Variants in ZNF804B observed in about 807,000 individuals in gnomAD.
ZNF804B encodes the protein zinc finger protein 804B.
Under a neutral mutation model 101.4 loss-of-function variants are expected in ZNF804B, and 80 were observed. That is an observed-to-expected ratio of 0.79 (90% CI 0.66 to 0.95). The LOEUF (loss-of-function observed/expected upper bound fraction) is 0.95, where lower values mean the gene tolerates loss of function less well. ZNF804B is among the 40% of genes least tolerant of loss of function. The pLI is 0.00. For synonymous variants in ZNF804B, 622 were observed against 558.8 expected, an observed-to-expected ratio of 1.11 and a Z score of -1.59; for missense variants, 1,673 against 1,561.9, an observed-to-expected ratio of 1.07 and a Z score of -1.20.
intron 1 of ZNF804B, among the ~76,000 whole-genome samples, chr7:89,135,779 T>C (rs1790625549): frequency 2.6e-5 from 4 of 152,098 alleles, no homozygotes; most frequent in Admixed American, 2.6e-4. Flanking sequence ...ACTTTAGGCA[T>C]CATTCCACCT....
intron 1 of ZNF804B, among the ~76,000 whole-genome samples, chr7:89,120,547 C>T (rs1365773130): frequency 1.4e-5 from 2 of 147,574 alleles, no homozygotes; most frequent in East Asian, 4.2e-4. Flanking sequence ...AGTCCCAGCT[C>T]CTCAGGAGGC....
At chr7:89,152,349 G>C (rs1180108932) in intron 1 of ZNF804B, among the ~76,000 whole-genome samples, 1 of 151,038 alleles carries the variant, frequency 6.6e-6, no homozygotes, top group Non-Finnish European at 1.5e-5. Flanking sequence ...TCTTCTTACT[G>C]TGGAGAGATA....
chr7:89,001,428 C>T (rs1484414906), intron 1 of ZNF804B, among the ~76,000 whole-genome samples: 3 of 150,786 alleles, frequency 2.0e-5, no homozygotes, highest in African/African-American at 7.3e-5. Flanking sequence ...ACAATAAAAA[C>T]TTCTCTAGTA....
At chr7:88,864,684 A>G (rs1007592677) in intron 1 of ZNF804B, among the ~76,000 whole-genome samples, 2 of 152,166 alleles carry the variant, frequency 1.3e-5, no homozygotes, top group African/African-American at 4.8e-5. Context: ...ATGGAGAAGT[A>G]AGATCTCTTG....
intron 2 of ZNF804B, among the ~76,000 whole-genome samples, chr7:89,325,193 T>G (rs377224845): frequency 6.6e-6 from 1 of 151,932 alleles, no homozygotes; most frequent in African/African-American, 2.4e-5. Flanking sequence ...ATCTCTGGGT[T>G]TTTTTTTCTC....
chr7:88,907,399 T>C (rs1792489562), intron 1 of ZNF804B, among the ~76,000 whole-genome samples: 1 of 152,048 alleles, frequency 6.6e-6, no homozygotes, highest in South Asian at 2.1e-4. Context: ...TTATGTAGAC[T>C]TGATTTTGTA....
At chr7:89,265,646 C>T (rs955399866) in intron 2 of ZNF804B, among the ~76,000 whole-genome samples, 3 of 152,176 alleles carry the variant, frequency 2.0e-5, no homozygotes, top group Non-Finnish European at 4.4e-5. Flanking sequence ...ACTTCCCTTA[C>T]AGGGTAATCT....
intron 1 of ZNF804B, among the ~76,000 whole-genome samples, chr7:89,004,541 C>T (rs1245615618): frequency 6.6e-6 from 1 of 151,594 alleles, no homozygotes; most frequent in Non-Finnish European, 1.5e-5. Context: ...TTGTGTTATT[C>T]ATAGGAATGA....
intron 1 of ZNF804B, among the ~76,000 whole-genome samples, chr7:89,187,384 C>T (rs75736158): frequency 0.032 from 4,899 of 152,218 alleles, 151 homozygotes; most frequent in South Asian, 0.081. Context: ...ACATTTTAGT[C>T]ACTTATCTTG....
chr7:88,891,935 C>T, intron 1 of ZNF804B, among the ~76,000 whole-genome samples: 1 of 152,068 alleles, frequency 6.6e-6, no homozygotes, highest in East Asian at 1.9e-4. Context: ...CAAGTGTTCT[C>T]ATTGTTCAAT....
At chr7:88,763,857 A>G (rs1158403171) in intron 1 of ZNF804B, among the ~76,000 whole-genome samples, 2 of 152,140 alleles carry the variant, frequency 1.3e-5, no homozygotes, top group African/African-American at 2.4e-5. Flanking sequence ...ACCATCAAAT[A>G]TATTAATGGT....
chr7:88,811,889 TTG>T (rs1790794841), intron 1 of ZNF804B, among the ~76,000 whole-genome samples: 1 of 152,020 alleles, frequency 6.6e-6, no homozygotes, highest in Admixed American at 6.5e-5. Context: ...AGGTGATGAG[TTG>T]ATAGGTGCAG....
intron 1 of ZNF804B, among the ~76,000 whole-genome samples, chr7:89,026,782 A>G (rs1162834797): frequency 6.6e-6 from 1 of 152,160 alleles, no homozygotes; most frequent in Non-Finnish European, 1.5e-5. Context: ...CCTGTAATAA[A>G]AGATAGAAGT....
chr7:88,909,070 A>G (rs1792512522), intron 1 of ZNF804B, among the ~76,000 whole-genome samples: 3 of 151,794 alleles, frequency 2.0e-5, no homozygotes, highest in African/African-American at 7.2e-5. Context: ...ATTTTTAAGA[A>G]ATTACTATTC....
intron 1 of ZNF804B, among the ~76,000 whole-genome samples, chr7:89,099,310 A>G (rs1285936066): frequency 6.6e-6 from 1 of 152,080 alleles, no homozygotes. Flanking sequence ...GGACAGCTAT[A>G]TACAAATATA....
intron 1 of ZNF804B, among the ~76,000 whole-genome samples, chr7:88,875,874 C>A (rs1429973198): frequency 1.3e-5 from 2 of 152,174 alleles, no homozygotes; most frequent in Non-Finnish European, 2.9e-5. Flanking sequence ...GAATTTTAGA[C>A]CAATATCCTT....
At chr7:88,773,491 G>C (rs1586896725) in intron 1 of ZNF804B, among the ~76,000 whole-genome samples, 1 of 152,192 alleles carries the variant, frequency 6.6e-6, no homozygotes, top group Non-Finnish European at 1.5e-5. Context: ...TGCTGGCCAT[G>C]TAGCAAAACT....
At chr7:89,259,633 T>G (rs1789682030) in intron 2 of ZNF804B, among the ~76,000 whole-genome samples, 1 of 152,154 alleles carries the variant, frequency 6.6e-6, no homozygotes, top group African/African-American at 2.4e-5. Flanking sequence ...GCAAGTAGAC[T>G]AAGTCATTGC....
chr7:89,283,234 A>G (rs2115876087), intron 2 of ZNF804B, among the ~76,000 whole-genome samples: 1 of 152,292 alleles, frequency 6.6e-6, no homozygotes, highest in African/African-American at 2.4e-5. Context: ...TTCAAGAAGA[A>G]TCTCTAAAAC....
Sources: allele counts gnomAD v4.1 joint callset (sites outside exome capture counted in the v4.1 genomes callset), GRCh38; gene constraint gnomAD v4.1.1; transcripts MANE v1.5; gene names NCBI Gene and HGNC (gene_info 2026-07-23, HGNC 2026-07-21).